GTF3C4: variants seen among roughly 807,000 people sequenced by gnomAD.
GTF3C4 encodes general transcription factor IIIC subunit 4.
Under a neutral mutation model 67.5 loss-of-function variants are expected in GTF3C4, and 28 were observed. That is an observed-to-expected ratio of 0.41 (90% CI 0.31 to 0.57). GTF3C4 has a LOEUF of 0.57. Among genes scored for constraint, GTF3C4 ranks in the 20% least tolerant of loss-of-function variants. GTF3C4 has a pLI of 0.21. For synonymous variants in GTF3C4, 409 were observed against 393.0 expected, an observed-to-expected ratio of 1.04 and a Z score of -0.48; for missense variants, 831 against 1,033.2, an observed-to-expected ratio of 0.80 and a Z score of 2.68.
upstream of GTF3C4, chr9:132,670,045 C>T (rs1272314839): frequency 2.6e-6 from 4 of 1,563,318 alleles, no homozygotes; most frequent in Non-Finnish European, 2.6e-6. Context: ...CTTCCGGGTC[C>T]GGAACGGCTC....
chr9:132,670,721 G>A lies in GTF3C4; in HGVS notation c.123G>A (p.Pro41=). 6.5e-7 allele frequency: 1 copy of A among 1,528,574 alleles called. No homozygotes were observed. The allele number at this position is 1,528,574 out of a possible 1,614,324, so 94.7% of individuals were successfully genotyped here. The change falls in exon 1 of 5, where the codon CCG becomes CCA. Residue 41 remains proline (P), a synonymous_variant. Coordinates refer to ENST00000372146, the MANE Select transcript of GTF3C4 (RefSeq NM_012204.4). ...GGKEPAADAA[P]GPSAAFRLMV... ...AGGAGCCAGCAGCGGACGCGGCCCC[G>A]GGGCCCAGCGCTGCATTCCGCCTCA...
In GTF3C4 at chr9:132,679,428, C is replaced by G; in HGVS notation, c.1809C>G (p.Asp603Glu). The change falls in exon 2 of 5, where the codon GAC becomes GAG. Residue 603 changes from aspartate (D) to glutamate (E), a missense_variant. Transcript: ENST00000372146. This position sits in a 1 kb window ranked among gnomAD's most constrained non-coding sequence, Gnocchi z 5.9. ...CCTTGTGGAAACCCACCCATGAGGA[C>G]TCAAAAATCTTACTAGTGGATTCGC... The part of the protein sequence containing the change: ...SEALWKPTHE[D>E]SKILLVDSPG... The G allele has an allele frequency of 6.2e-7, 1 of 1,614,128 alleles. No individual in the cohort carries two copies. Among genetic ancestry groups the G allele is most frequent in the Non-Finnish European group, 8.5e-7 (1 of 1,180,040 alleles).
At chr9:132,671,473 T>C (rs1835759272) in intron 1 of GTF3C4, among the ~76,000 whole-genome samples, 1 of 152,200 alleles carries the variant, frequency 6.6e-6, no homozygotes, top group Non-Finnish European at 1.5e-5. Context: ...GACTTTATTA[T>C]GAATGGTCCT....
At chr9:132,682,138 G>A (rs1369659288) in intron 2 of GTF3C4, among the ~76,000 whole-genome samples, 1 of 152,022 alleles carries the variant, frequency 6.6e-6, no homozygotes, top group Non-Finnish European at 1.5e-5. Flanking sequence ...ATGTATGGGA[G>A]GAATTCTGAG....
intron 4 of GTF3C4, among the ~76,000 whole-genome samples, chr9:132,688,064 A>C (rs1466834393): frequency 6.6e-6 from 1 of 152,232 alleles, no homozygotes; most frequent in African/African-American, 2.4e-5. Flanking sequence ...TCTAATTCTC[A>C]TAAGTTGGTA....
chr9:132,683,652 T>C lies in GTF3C4; in HGVS notation c.2274T>C (p.Asp758=). 1 of 1,613,212 alleles carries C rather than the reference T, an allele frequency of 6.2e-7. No individual in the cohort carries two copies. Among genetic ancestry groups the C allele is most frequent in the Non-Finnish European group, 8.5e-7 (1 of 1,179,756 alleles). ...GTAAAGAGATCTTGCCATTCACAGATCGCAAACAGGCAGTCTGTTCCAATG... is the reference window on the plus strand; with the variant it reads ...GTAAAGAGATCTTGCCATTCACAGACCGCAAACAGGCAGTCTGTTCCAATG... ...SLCKEILPFT[D]RKQAVCSNGH... Residue 758 remains aspartate (D), a synonymous_variant, in exon 3 of 5, where the codon GAT becomes GAC. Coordinates refer to ENST00000372146, the MANE Select transcript of GTF3C4 (RefSeq NM_012204.4).
chr9:132,686,395 T>C (rs1836027626), intron 3 of GTF3C4, among the ~76,000 whole-genome samples: 1 of 151,748 alleles, frequency 6.6e-6, no homozygotes. Context: ...AGTTCTTTAC[T>C]CAAGGTGTGC....
In GTF3C4 at chr9:132,688,638, A is replaced by G. The variant is rs186049861; in HGVS notation, c.2405-243A>G. Among the ~76,000 whole-genome samples, 569 of 152,314 alleles carry G rather than the reference A, an allele frequency of 3.7e-3. 5 individuals carry two copies. Among genetic ancestry groups the G allele is most frequent in the Non-Finnish European group, 5.1e-3 (345 of 68,024 alleles). The stretch of plus-strand genomic sequence containing the variant: ...AATTTAGCTTTATGAAACATTCTTC[A>G]TTACCCTTATTTTCCTGTTTCATTA... On this transcript the variant is annotated intron_variant, in intron 4 of 4. Transcript: ENST00000372146.
intron 3 of GTF3C4, 60 bp downstream of exon 3, chr9:132,683,753 A>AGTTTGTG: frequency 6.8e-7 from 1 of 1,466,084 alleles, no homozygotes; most frequent in Non-Finnish European, 9.2e-7. Flanking sequence ...AGCACAAACT[A>AGTTTGTG]CTGTATGTGA....
chr9:132,673,028 C>CA (rs1319062180), intron 1 of GTF3C4, among the ~76,000 whole-genome samples: 2 of 151,838 alleles, frequency 1.3e-5, no homozygotes. Flanking sequence ...ACTAAAAATA[C>CA]AAAAAATTAG....
In GTF3C4 at chr9:132,679,584, G is replaced by C. The variant is rs141377409; in HGVS notation, c.1965G>C (p.Thr655=). 1 of 1,614,114 alleles carries C rather than the reference G, an allele frequency of 6.2e-7. No homozygotes were observed. The highest frequency in any genetic ancestry group is 2.2e-5 in the East Asian group (1 of 44,880). The change falls in exon 2 of 5, where the codon ACG becomes ACC. Residue 655 remains threonine, a synonymous_variant. Coordinates refer to ENST00000372146, the MANE Select transcript of GTF3C4 (RefSeq NM_012204.4). The surrounding 1 kb of genome is among the most constrained non-coding windows in gnomAD (Gnocchi z 5.9). ...VEEPTDDSLP[T]TGDAGGREPM... is the part of the protein sequence containing the mutation. ...AGCCCACTGATGACTCGCTCCCCAC[G>C]ACTGGAGATGCTGGAGGCCGTGAGC...
rs1165641795 is a variant in GTF3C4, at chr9:132,694,812, G to C, written c.*5867G>C. ...CTGGTACTTAGAGTCTAATAGAGTT[G>C]CTGTGAATATGTAGTGCTGTACATA... On this transcript the variant is annotated 3_prime_UTR_variant, in exon 5 of 5. Transcript: ENST00000372146. 3 of 152,186 alleles carry C rather than the reference G, an allele frequency of 2.0e-5. No individual in the cohort carries two copies. The highest frequency in any genetic ancestry group is 4.4e-5 in the Non-Finnish European group (3 of 68,036). 9.4% of individuals were successfully genotyped at this position (152,186 alleles called of 1,614,324 possible).
chr9:132,686,170 A>G (rs556986091), intron 3 of GTF3C4, among the ~76,000 whole-genome samples: 13 of 152,366 alleles, frequency 8.5e-5, no homozygotes, highest in South Asian at 4.1e-4. Context: ...CCAAGTCACA[A>G]TGGTGGCTTG....
intron 3 of GTF3C4, among the ~76,000 whole-genome samples, chr9:132,685,893 G>C (rs375741405): frequency 6.6e-6 from 1 of 152,194 alleles, no homozygotes; most frequent in Admixed American, 6.5e-5. Flanking sequence ...TTAAGATTGG[G>C]TATAACTACT....
intron 3 of GTF3C4, among the ~76,000 whole-genome samples, chr9:132,684,606 G>A (rs1046045565): frequency 1.3e-5 from 2 of 152,170 alleles, no homozygotes; most frequent in Non-Finnish European, 2.9e-5. Context: ...GACCTCATCT[G>A]CTGTATTTGT....
At chr9:132,684,292 C>G (rs755074376) in intron 3 of GTF3C4, among the ~76,000 whole-genome samples, 34 of 152,282 alleles carry the variant, frequency 2.2e-4, no homozygotes, top group Non-Finnish European at 3.5e-4. Context: ...ACTGCCTGCT[C>G]AGTACCTCTA....
At chr9:132,674,982 A>T (rs141786374) in intron 1 of GTF3C4, among the ~76,000 whole-genome samples, 5 of 152,112 alleles carry the variant, frequency 3.3e-5, no homozygotes, top group Admixed American at 1.3e-4. Flanking sequence ...AGTGAGCTGT[A>T]GTCACGCCAG....
Position 132,694,233 on chromosome 9 carries a change from C to T in GTF3C4, c.*5288C>T, listed in dbSNP as rs1218604607. On this transcript the variant is annotated 3_prime_UTR_variant, in exon 5 of 5. Transcript: ENST00000372146. ...GTTTTCATTACTAGATTGTAAGCTC[C>T]TCAAGGGCAGGAATTGTTTTATCTT... 1 of 152,188 alleles carries T rather than the reference C, an allele frequency of 6.6e-6. No homozygotes were observed. The highest frequency in any genetic ancestry group is 1.9e-4 in the East Asian group (1 of 5,194). The allele number at this position is 152,188 out of a possible 1,614,324, so 9.4% of individuals were successfully genotyped here. A position where few individuals can be genotyped will look rare whatever the true frequency, so the allele number is the denominator to read the frequency against.
At position 132,683,623 on chromosome 9, in the gene GTF3C4, T is replaced by G. The variant is rs1241685567; in HGVS notation, c.2245T>G (p.Leu749Val). Residue 749 changes from leucine (L) to valine (V), a missense_variant, in exon 3 of 5, where the codon TTG (leucine) becomes GTG (valine). Leu to Val is a conservative substitution (Grantham distance 32, BLOSUM62 1). Transcript: ENST00000372146. Reference protein sequence around the residue: ...NKQTFPEHCSLCKEILPFTDR... With the variant: ...NKQTFPEHCSVCKEILPFTDR... ...ACAGACTTTCCCTGAGCACTGTAGT[T>G]TGTGTAAAGAGATCTTGCCATTCAC... The G allele has an allele frequency of 6.2e-7, 1 of 1,613,564 alleles. No homozygotes were observed. Among genetic ancestry groups the G allele is most frequent in the Admixed American group, 1.7e-5 (1 of 59,896 alleles).
Sources: allele counts gnomAD v4.1 joint callset (sites outside exome capture counted in the v4.1 genomes callset), GRCh38; gene constraint gnomAD v4.1.1; non-coding constraint Gnocchi (gnomAD v3.1); transcripts MANE v1.5; gene names NCBI Gene and HGNC (gene_info 2026-07-23, HGNC 2026-07-21).